Variants in PCDHGB5 observed in about 807,000 individuals in gnomAD.
The protein encoded by PCDHGB5 is protocadherin gamma-B5.
In PCDHGB5, 48 loss-of-function variants were observed where a neutral mutation model predicts 62.9. The ratio of observed to expected loss-of-function variants is 0.76; its 90% CI spans 0.61 to 0.97. The LOEUF (loss-of-function observed/expected upper bound fraction) is 0.97. PCDHGB5 is among the 50% of genes least tolerant of loss of function. The pLI is 0.00. For missense variants in PCDHGB5, 1,118 were observed against 1,198.6 expected (o/e 0.93, Z 0.99); for synonymous variants, 474 against 511.2 (o/e 0.93, Z 0.98).
At chr5:141,459,499 G>A (rs2098968854) in intron 1 of PCDHGB5, among the ~76,000 whole-genome samples, 1 of 152,172 alleles carries the variant, frequency 6.6e-6, no homozygotes, top group Non-Finnish European at 1.5e-5. Context: ...TTAAAGTGAT[G>A]TGAACAATCA....
intron 1 of PCDHGB5, chr5:141,413,678 T>G (rs201325660): frequency 5.6e-6 from 9 of 1,613,632 alleles, no homozygotes; most frequent in Non-Finnish European, 7.6e-6. Flanking sequence ...GATGTGGGCG[T>G]GAACTCCCTG....
chr5:141,433,361 A>ATCTATCTATCTC, intron 1 of PCDHGB5: 1 of 297,578 alleles, frequency 3.4e-6, no homozygotes, highest in Non-Finnish European at 6.3e-6. Context: ...CTGTCTGCCT[A>ATCTATCTATCTC]TCTATCTATC....
chr5:141,420,242 A>T (rs1241562871), intron 1 of PCDHGB5: 1 of 1,586,666 alleles, frequency 6.3e-7, no homozygotes, highest in Non-Finnish European at 8.6e-7. Context: ...TTTAACTCCC[A>T]GCGTTGAAGC....
intron 1 of PCDHGB5, chr5:141,409,616 G>T: frequency 6.2e-7 from 1 of 1,613,882 alleles, no homozygotes; most frequent in African/African-American, 1.3e-5. Context: ...AGCCTCCATT[G>T]CGCAAGTGAG....
chr5:141,418,069 G>T, intron 1 of PCDHGB5: 4 of 1,614,042 alleles, frequency 2.5e-6, no homozygotes, highest in South Asian at 2.2e-5. Flanking sequence ...GAGTGAGCGC[G>T]GAGAAGCTGC....
chr5:141,505,143 C>G lies in PCDHGB5; in HGVS notation c.2457-250C>G, dbSNP rs578261428. ...CGCCACTGCACTCCAGCCTGGATGA[C>G]AGAGTAAGACCCTGTCTAAAACAAA... On this transcript the variant is annotated intron_variant, in intron 2 of 3. Coordinates refer to ENST00000617380, the MANE Select transcript of PCDHGB5 (RefSeq NM_018925.3). Among the ~76,000 whole-genome samples the G allele has an allele frequency of 3.3e-5, 5 of 152,290 alleles. No homozygotes were observed. The East Asian group carries it at 7.7e-4, about 24-fold the overall frequency.
At chr5:141,494,979 T>C in intron 2 of PCDHGB5, 114 bp downstream of exon 2, 1 of 1,571,464 alleles carries the variant, frequency 6.4e-7, no homozygotes, top group Admixed American at 1.8e-5. Flanking sequence ...TCCCTCAGTT[T>C]GAGATCCCAG....
At chr5:141,504,696 G>T (rs2099840373) in intron 2 of PCDHGB5, among the ~76,000 whole-genome samples, 1 of 151,438 alleles carries the variant, frequency 6.6e-6, no homozygotes, top group African/African-American at 2.4e-5. Flanking sequence ...GGAGGGGCAG[G>T]TTCTTCTATG....
chr5:141,498,103 G>C (rs2099781622), intron 2 of PCDHGB5, among the ~76,000 whole-genome samples: 1 of 152,216 alleles, frequency 6.6e-6, no homozygotes. Context: ...GGTGGTGTGG[G>C]CGTATAATAG....
rs2233602 is a variant in PCDHGB5, at chr5:141,490,032, C to T, written c.2398-4775C>T. 47,990 of 1,614,182 alleles carry T rather than the reference C, an allele frequency of 0.03. 1,413 individuals are homozygous for T. Among genetic ancestry groups the T allele is most frequent in the African/African-American group, 0.15 (11,444 of 75,040 alleles). On this transcript the variant is annotated intron_variant, in intron 1 of 3. Coordinates refer to ENST00000617380, the MANE Select transcript of PCDHGB5 (RefSeq NM_018925.3). The surrounding 1 kb of genome is among the most constrained non-coding windows in gnomAD (Gnocchi z 5.4). ...CCATTGGTACTCTGCTGCTCCGCCT[C>T]AATGCCACTGATCCAGACGAGGGCA...
intron 1 of PCDHGB5, among the ~76,000 whole-genome samples, chr5:141,407,816 ATAT>A (rs1270765996): frequency 6.6e-6 from 1 of 152,228 alleles, no homozygotes; most frequent in Non-Finnish European, 1.5e-5. Context: ...ATCTACTATA[ATAT>A]TATGGTGAGA....
chr5:141,417,701 C>T (rs1382264857), intron 1 of PCDHGB5: 1 of 1,192,516 alleles, frequency 8.4e-7, no homozygotes, highest in Admixed American at 3.0e-5. Flanking sequence ...CCAGCTCCCA[C>T]ACAGAGGCTC....
At chr5:141,414,936 G>T in intron 1 of PCDHGB5, 1 of 1,614,118 alleles carries the variant, frequency 6.2e-7, no homozygotes, top group South Asian at 1.1e-5. Context: ...GCTCCGCAGA[G>T]CCCGGCTACC....
chr5:141,455,400 C>G (rs537466326), intron 1 of PCDHGB5, among the ~76,000 whole-genome samples: 8 of 152,274 alleles, frequency 5.3e-5, no homozygotes, highest in Admixed American at 5.2e-4. Context: ...CTCCCCCTTA[C>G]AGAGACAGAG....
At chr5:141,500,723 G>A (rs6875791) in intron 2 of PCDHGB5, among the ~76,000 whole-genome samples, 4,890 of 152,100 alleles carry the variant, frequency 0.032, 255 homozygotes, top group African/African-American at 0.11. Flanking sequence ...ATTTCCCCAT[G>A]TCTTTCAAAA....
chr5:141,509,477 G>A (rs753058277), intron 3 of PCDHGB5, among the ~76,000 whole-genome samples: 7 of 152,166 alleles, frequency 4.6e-5, no homozygotes, highest in African/African-American at 7.2e-5. Context: ...CAGGTGAGGG[G>A]TAGAGGTGAT....
chr5:141,408,338 G>C, intron 1 of PCDHGB5: 1 of 1,613,958 alleles, frequency 6.2e-7, no homozygotes, highest in Non-Finnish European at 8.5e-7. Context: ...CAAGGGCTCG[G>C]TGGTGGGGAA....
intron 1 of PCDHGB5, among the ~76,000 whole-genome samples, chr5:141,467,320 T>C (rs1593065881): frequency 6.6e-6 from 1 of 152,322 alleles, no homozygotes; most frequent in African/African-American, 2.4e-5. Flanking sequence ...CCCACAGTGC[T>C]GGGATTAGAG....
At chr5:141,415,702 GC>G (rs754496290) in intron 1 of PCDHGB5, 1 of 1,403,056 alleles carries the variant, frequency 7.1e-7, no homozygotes, top group South Asian at 1.3e-5. Context: ...AAGTGTAAAT[GC>G]TAAAACACTG....
Sources: gnomAD v4.1 joint callset for allele counts (sites outside exome capture counted in the v4.1 genomes callset) on GRCh38, gnomAD v4.1.1 for gene constraint, Gnocchi (gnomAD v3.1) non-coding constraint, MANE v1.5 for transcripts, NCBI Gene and HGNC (gene_info 2026-07-23, HGNC 2026-07-21) for gene names.